The following COG5 variants were observed in gnomAD, a reference collection of about 807,000 sequenced individuals.
COG5 encodes component of oligomeric golgi complex 5.
Under a neutral mutation model 110.4 loss-of-function variants are expected in COG5, and 86 were observed. That is an observed-to-expected ratio of 0.78 (90% CI 0.65 to 0.93). The LOEUF is 0.93. Among genes scored for constraint, COG5 ranks in the 40% least tolerant of loss-of-function variants. COG5 has a pLI of 0.00. For missense variants in COG5, 1,077 were observed against 987.0 expected (o/e 1.09, Z -1.22); for synonymous variants, 360 against 334.6 (o/e 1.08, Z -0.83).
intron 7 of COG5, among the ~76,000 whole-genome samples, chr7:107,404,766 TGA>T (rs1180989456): frequency 6.6e-6 from 1 of 151,542 alleles, no homozygotes; most frequent in African/African-American, 2.4e-5. Context: ...AGAGGTGGTG[TGA>T]GAGGACTCTC....
intron 17 of COG5, among the ~76,000 whole-genome samples, chr7:107,246,030 G>C (rs1802028393): frequency 6.6e-6 from 1 of 152,104 alleles, no homozygotes; most frequent in African/African-American, 2.4e-5. Context: ...TAGACCAATG[G>C]AACAGAATAG....
intron 2 of COG5, among the ~76,000 whole-genome samples, chr7:107,554,713 C>CT (rs1803175007): frequency 1.3e-5 from 2 of 152,144 alleles, no homozygotes. Flanking sequence ...GAACCCATTC[C>CT]TTACAGATGG....
intron 14 of COG5, among the ~76,000 whole-genome samples, chr7:107,273,663 G>A (rs567001298): frequency 6.6e-6 from 1 of 152,154 alleles, no homozygotes; most frequent in South Asian, 2.1e-4. Flanking sequence ...GTGATAACAT[G>A]GTAAGTAAAA....
intron 1 of COG5, among the ~76,000 whole-genome samples, chr7:107,558,698 A>G (rs916066999): frequency 8.6e-5 from 13 of 151,800 alleles, no homozygotes; most frequent in Admixed American, 7.2e-4. Context: ...CATCCTGGCT[A>G]GCACAGTGAA....
At chr7:107,386,981 G>A (rs557694746) in intron 7 of COG5, among the ~76,000 whole-genome samples, 12 of 152,152 alleles carry the variant, frequency 7.9e-5, no homozygotes, top group African/African-American at 2.9e-4. Context: ...TGGAGGTTTT[G>A]CCTGAACCCC....
chr7:107,259,645 A>G (rs1161964429), intron 14 of COG5, among the ~76,000 whole-genome samples: 1 of 152,106 alleles, frequency 6.6e-6, no homozygotes, highest in Non-Finnish European at 1.5e-5. Flanking sequence ...TAAAAGTTAC[A>G]AGCTCTAGCT....
At chr7:107,439,964 GTCT>G (rs1312779448) in intron 6 of COG5, among the ~76,000 whole-genome samples, 1 of 152,170 alleles carries the variant, frequency 6.6e-6, no homozygotes, top group African/African-American at 2.4e-5. Flanking sequence ...TCGACACACT[GTCT>G]ACCCTGAATT....
chr7:107,304,431 T>C (rs1212940088), intron 11 of COG5, among the ~76,000 whole-genome samples: 1 of 152,214 alleles, frequency 6.6e-6, no homozygotes, highest in African/African-American at 2.4e-5. Context: ...TCTGTGTTTC[T>C]TTTACCTAGA....
At chr7:107,260,957 G>C (rs985878287) in intron 14 of COG5, among the ~76,000 whole-genome samples, 1 of 149,450 alleles carries the variant, frequency 6.7e-6, no homozygotes, top group African/African-American at 2.5e-5. Context: ...TTGTTTGTTT[G>C]TTTTTGTTTT....
At position 107,437,374 on chromosome 7, in the gene COG5, A is replaced by T. The variant is rs187174750; in HGVS notation, c.539-24742T>A. On this transcript the variant is annotated intron_variant, in intron 6 of 21. Coordinates refer to ENST00000297135, the MANE Select transcript of COG5 (RefSeq NM_006348.5). ...CCTTTGGCATCATTTTAAAACAACA[A>T]GCCAAAACCTGAGGTTTAGGCATCT... Among the ~76,000 whole-genome samples, 280 of 152,284 alleles carry T rather than the reference A, an allele frequency of 1.8e-3. 2 individuals carry two copies. Among genetic ancestry groups the T allele is most frequent in the African/African-American group, 6.5e-3 (271 of 41,576 alleles).
intron 6 of COG5, among the ~76,000 whole-genome samples, chr7:107,501,120 T>TA (rs1463392539): frequency 6.6e-6 from 1 of 152,080 alleles, no homozygotes; most frequent in Non-Finnish European, 1.5e-5. Context: ...AAGCTGTAAT[T>TA]CATCAAGAAG....
intron 10 of COG5, among the ~76,000 whole-genome samples, chr7:107,330,776 T>C (rs891378227): frequency 1.3e-5 from 2 of 151,966 alleles, no homozygotes; most frequent in Non-Finnish European, 2.9e-5. Flanking sequence ...AATATTTTCA[T>C]GGGATTTATT....
intron 6 of COG5, among the ~76,000 whole-genome samples, chr7:107,522,702 C>T (rs753646681): frequency 8.5e-5 from 13 of 152,100 alleles, no homozygotes; most frequent in Admixed American, 1.3e-4. Flanking sequence ...ATTTAGGACA[C>T]GAATTCATTC....
intron 7 of COG5, among the ~76,000 whole-genome samples, chr7:107,406,262 T>C (rs1202929689): frequency 6.6e-6 from 1 of 152,236 alleles, no homozygotes; most frequent in Non-Finnish European, 1.5e-5. Context: ...CCCTGACTCC[T>C]ATTTTTCTAA....
chr7:107,468,223 C>T (rs1401905022), intron 6 of COG5, among the ~76,000 whole-genome samples: 12 of 152,152 alleles, frequency 7.9e-5, no homozygotes. Flanking sequence ...TTGACCCTTT[C>T]AAGTCAGTAA....
At chr7:107,431,329 C>T (rs924470497) in intron 6 of COG5, among the ~76,000 whole-genome samples, 8 of 152,006 alleles carry the variant, frequency 5.3e-5, no homozygotes, top group African/African-American at 1.7e-4. Flanking sequence ...GTTTTATATC[C>T]TTTTATAAAT....
intron 21 of COG5, chr7:107,210,001 G>C: frequency 3.0e-6 from 3 of 994,916 alleles, no homozygotes; most frequent in Non-Finnish European, 3.6e-6. Flanking sequence ...GTACATGGGG[G>C]TGTGTGCACG....
At position 107,563,908 on chromosome 7, in the gene COG5, C is replaced by G. The variant is rs1363800282; in HGVS notation, c.-12G>C. On this transcript the variant is annotated 5_prime_UTR_variant, in exon 1 of 22. Transcript: ENST00000297135. ...CCGCCACCTTCCATGTTGGCAGGTG[C>G]CGGGTTGATGTCGTCAGCAGCAGAA... 1.2e-6 allele frequency: 2 copies of G among 1,613,410 alleles called. No individual in the cohort carries two copies. The highest frequency in any genetic ancestry group is 8.5e-7 in the Non-Finnish European group (1 of 1,179,914).
In COG5 at chr7:107,401,525, A is replaced by T. The variant is rs116667837; in HGVS notation, c.669+10977T>A. 5.3e-3 allele frequency among the ~76,000 whole-genome samples: 808 copies of T among 152,318 alleles called. 9 individuals carry two copies. Among genetic ancestry groups the T allele is most frequent in the African/African-American group, 0.019 (786 of 41,576 alleles). ...GTGATGGGAACAAACAGACAAATAT[A>T]TGGTGAAACAACAGCAAATTATCAT... On this transcript the variant is annotated intron_variant, in intron 7 of 21. Coordinates refer to ENST00000297135, the MANE Select transcript of COG5 (RefSeq NM_006348.5).
Sources: gnomAD v4.1 joint callset for allele counts (sites outside exome capture counted in the v4.1 genomes callset) on GRCh38, gnomAD v4.1.1 for gene constraint, MANE v1.5 for transcripts, NCBI Gene and HGNC (gene_info 2026-07-23, HGNC 2026-07-21) for gene names.